Variants in PTAFR observed in about 807,000 individuals in gnomAD.
The protein encoded by PTAFR is platelet activating factor receptor.
In PTAFR, 8 loss-of-function variants were observed where a neutral mutation model predicts 14.7. The observed-to-expected ratio is 0.54, with a 90% CI of 0.32 to 0.98. The LOEUF is 0.98. Among genes scored for constraint, PTAFR ranks in the 50% least tolerant of loss-of-function variants. The probability of loss-of-function intolerance (pLI) is 0.04; values close to 1 mark genes in which losing one functional copy is unlikely to be tolerated. For missense variants in PTAFR, 337 were observed against 451.2 expected (o/e 0.75, Z 2.29); for synonymous variants, 156 against 176.5 (o/e 0.88, Z 0.92).
At chr1:28,166,677 A>AG (rs1016113717) in intron 1 of PTAFR, among the ~76,000 whole-genome samples, 1 of 152,110 alleles carries the variant, frequency 6.6e-6, no homozygotes, top group African/African-American at 2.4e-5. Context: ...TCTCAAAAAA[A>AG]AAAAAAGCTT....
chr1:28,179,894 T>C (rs974124045), upstream of PTAFR, among the ~76,000 whole-genome samples: 6 of 151,380 alleles, frequency 4.0e-5, no homozygotes, highest in Admixed American at 2.6e-4. Flanking sequence ...TCAGAAAATA[T>C]AGGGGACAGA....
In PTAFR at chr1:28,165,130, G is replaced by A. The variant is rs116658200; in HGVS notation, c.-39+11462C>T. On this transcript the variant is annotated intron_variant, in intron 1 of 1. Transcript: ENST00000373857. ...GAAATAAACTTAACCAGCCAGGCACGATGGCTCATGCCTATAATAATCCCA... is the reference window on the plus strand; with the variant it reads ...GAAATAAACTTAACCAGCCAGGCACAATGGCTCATGCCTATAATAATCCCA... Among the ~76,000 whole-genome samples, 986 of 152,230 alleles carry A rather than the reference G, an allele frequency of 6.5e-3. 13 individuals carry two copies. Among genetic ancestry groups the A allele is most frequent in the African/African-American group, 0.022 (927 of 41,554 alleles).
chr1:28,182,251 G>A (rs1018530927), intron 1 of PTAFR, among the ~76,000 whole-genome samples: 1 of 151,988 alleles, frequency 6.6e-6, no homozygotes, highest in African/African-American at 2.4e-5. Context: ...CAGGAGAATC[G>A]CTTGAACCTG....
intron 1 of PTAFR, among the ~76,000 whole-genome samples, chr1:28,153,418 A>G (rs761942577): frequency 6.6e-5 from 10 of 152,012 alleles, no homozygotes; most frequent in Non-Finnish European, 1.3e-4. Flanking sequence ...GGGCTAAGCA[A>G]GGTCCAGCTC....
intron 1 of PTAFR, among the ~76,000 whole-genome samples, chr1:28,170,775 C>A (rs528279502): frequency 6.6e-6 from 1 of 151,588 alleles, no homozygotes. Flanking sequence ...CCAAGGCGGG[C>A]GGATCACAAG....
chr1:28,173,306 G>A (rs56145744), intron 1 of PTAFR, among the ~76,000 whole-genome samples: 1,800 of 94,098 alleles, frequency 0.019, 46 homozygotes, highest in African/African-American at 0.043. Flanking sequence ...AAAGGGGGGG[G>A]GGTGTGCGGG....
At chr1:28,185,600 C>T (rs1258605637) in intron 1 of PTAFR, among the ~76,000 whole-genome samples, 2 of 152,076 alleles carry the variant, frequency 1.3e-5, no homozygotes, top group Non-Finnish European at 2.9e-5. Context: ...CTTGAAAAAG[C>T]CAAATTACCT....
At chr1:28,165,784 G>T (rs942729763) in intron 1 of PTAFR, among the ~76,000 whole-genome samples, 2 of 147,490 alleles carry the variant, frequency 1.4e-5, no homozygotes, top group Admixed American at 1.4e-4. Context: ...CTCTGTCTAG[G>T]AAAAAAAAAA....
At chr1:28,179,026 G>A (rs1005659806), upstream of PTAFR, among the ~76,000 whole-genome samples, 4 of 152,122 alleles carry the variant, frequency 2.6e-5, no homozygotes, top group African/African-American at 9.7e-5. Flanking sequence ...AACAGGCTCA[G>A]TTTGATCATT....
intron 1 of PTAFR, among the ~76,000 whole-genome samples, chr1:28,164,081 C>T (rs1247617318): frequency 1.3e-5 from 2 of 152,164 alleles, no homozygotes; most frequent in Non-Finnish European, 2.9e-5. Context: ...TGGAAACATT[C>T]CCAGTCCCTA....
intron 1 of PTAFR, among the ~76,000 whole-genome samples, chr1:28,152,932 T>C (rs896587826): frequency 6.6e-6 from 1 of 152,202 alleles, no homozygotes; most frequent in Non-Finnish European, 1.5e-5. Flanking sequence ...GTTTATTTAC[T>C]TTATACTTTT....
At position 28,151,165 on chromosome 1, in the gene PTAFR, C is replaced by G. The variant is rs1646182390; in HGVS notation, c.-38-106G>C. The G allele has an allele frequency of 2.0e-5, 13 of 646,578 alleles. 1 individual carries two copies. In the South Asian group the frequency reaches 2.5e-4, roughly 13 times the overall value. The allele number at this position is 646,578 out of a possible 1,614,324, so 40.1% of individuals were successfully genotyped here. On this transcript the variant is annotated intron_variant, in intron 1 of 1. Transcript: ENST00000373857. ...CATGGTTAGAATGATGATGTCCCCTCAGAAGTTCATGTTGAATCTTTTTTT... is the reference window on the plus strand; with the variant it reads ...CATGGTTAGAATGATGATGTCCCCTGAGAAGTTCATGTTGAATCTTTTTTT...
upstream of PTAFR, among the ~76,000 whole-genome samples, chr1:28,177,737 C>CTT (rs371720217): frequency 6.8e-6 from 1 of 146,242 alleles, no homozygotes; most frequent in African/African-American, 2.5e-5. Context: ...ATACTTTCTT[C>CTT]TTTTTTTTTT....
Position 28,150,371 on chromosome 1 carries a change from C to G in PTAFR, c.651G>C (p.Pro217=), listed in dbSNP as rs779838498. Residue 217 remains proline, a synonymous_variant, in exon 2 of 2, where the codon CCG becomes CCC. Transcript: ENST00000373857. This position sits in a 1 kb window ranked among gnomAD's most constrained non-coding sequence, Gnocchi z 6.3. ...CTTCAGCGTTGCGCTGCTGCTGCAC[C>G]GGCTGCATGAGCAAGGTACGGATGA... is the stretch of plus-strand genomic sequence containing the variant. ...LVIIRTLLMQ[P]VQQQRNAEVK... 5 of 1,613,790 alleles carry G rather than the reference C, an allele frequency of 3.1e-6. No homozygotes were observed. Among genetic ancestry groups the G allele is most frequent in the Non-Finnish European group, 4.2e-6 (5 of 1,179,916 alleles).
chr1:28,150,960 A>G lies in PTAFR; in HGVS notation c.62T>C (p.Val21Ala). The change falls in exon 2 of 2, where the codon GTT becomes GCT. Residue 21 changes from valine (V) to alanine (A), a missense_variant. Transcript: ENST00000373857. The surrounding 1 kb of genome is among the most constrained non-coding windows in gnomAD (Gnocchi z 6.3). Reference protein sequence around the residue: ...SEFRYTLFPIVYSIIFVLGVI... With the variant: ...SEFRYTLFPIAYSIIFVLGVI... Reference sequence around the variant, plus strand: ...CCCGAGCACAAAGATGATGCTGTAAACAATCGGGAAGAGAGTGTATCGGAA... The same window carrying G: ...CCCGAGCACAAAGATGATGCTGTAAGCAATCGGGAAGAGAGTGTATCGGAA... The G allele has an allele frequency of 6.2e-7, 1 of 1,613,734 alleles. No individual in the cohort carries two copies. Among genetic ancestry groups the G allele is most frequent in the Non-Finnish European group, 8.5e-7 (1 of 1,179,778 alleles).
chr1:28,151,136 T>G, intron 1 of PTAFR, 77 bp from the exon 2 acceptor site: 1 of 800,564 alleles, frequency 1.2e-6, no homozygotes, highest in Non-Finnish European at 2.0e-6. Context: ...CCAAGACTCC[T>G]TGCCATGGTT....
intron 1 of PTAFR, among the ~76,000 whole-genome samples, chr1:28,164,728 C>T (rs1572036673): frequency 6.6e-6 from 1 of 152,190 alleles, no homozygotes; most frequent in African/African-American, 2.4e-5. Context: ...CAAGCTGTGT[C>T]CCCTGCTAGA....
At chr1:28,164,648 A>G (rs1159129006) in intron 1 of PTAFR, among the ~76,000 whole-genome samples, 1 of 152,240 alleles carries the variant, frequency 6.6e-6, no homozygotes. Flanking sequence ...AGATTTGTCC[A>G]TAGTCACACA....
upstream of PTAFR, among the ~76,000 whole-genome samples, chr1:28,180,762 TA>T (rs1442475951): frequency 2.6e-5 from 4 of 151,874 alleles, no homozygotes; most frequent in African/African-American, 7.3e-5. Flanking sequence ...GTTGCAGTTA[TA>T]AACAAAATGT....
Sources: gnomAD v4.1 joint callset for allele counts (sites outside exome capture counted in the v4.1 genomes callset) on GRCh38, gnomAD v4.1.1 for gene constraint, Gnocchi (gnomAD v3.1) non-coding constraint, MANE v1.5 for transcripts, NCBI Gene and HGNC (gene_info 2026-07-23, HGNC 2026-07-21) for gene names.